Variants in STPG2 observed in about 807,000 individuals in gnomAD.
STPG2 encodes sperm tail PG-rich repeat containing 2.
Under a neutral mutation model 54.2 loss-of-function variants are expected in STPG2, and 56 were observed. The ratio of observed to expected loss-of-function variants is 1.03; its 90% confidence interval spans 0.83 to 1.29. The LOEUF (loss-of-function observed/expected upper bound fraction) is 1.29, where lower values mean the gene tolerates loss of function less well. STPG2 is among the 50% of genes most tolerant of loss of function. The pLI is 0.00. For missense variants in STPG2, 596 were observed against 544.9 expected (o/e 1.09, Z -0.93); for synonymous variants, 200 against 181.8 (o/e 1.10, Z -0.81).
At chr4:97,714,315 A>G (rs1724222983) in intron 9 of STPG2, among the ~76,000 whole-genome samples, 1 of 152,172 alleles carries the variant, frequency 6.6e-6, no homozygotes. Flanking sequence ...AAAATTTAAG[A>G]CAAAGAAGGA....
At chr4:97,524,901 A>C (rs900752899) in intron 4 of STPG2, among the ~76,000 whole-genome samples, 3 of 151,974 alleles carry the variant, frequency 2.0e-5, no homozygotes, top group African/African-American at 7.2e-5. Context: ...CAGTGCCTCA[A>C]ACTGATTGAA....
Position 98,059,485 on chromosome 4 carries a change from G to C in STPG2, c.612+46468C>G, listed in dbSNP as rs376461873. Reference sequence around the variant, plus strand: ...AATTCTACCAAATTTACAAAGAAGAGTTGGTACGATTCCTATAGAAACTAT... The same window carrying C: ...AATTCTACCAAATTTACAAAGAAGACTTGGTACGATTCCTATAGAAACTAT... On this transcript the variant is annotated intron_variant, in intron 5 of 10. Coordinates refer to ENST00000295268, the MANE Select transcript of STPG2 (RefSeq NM_174952.3). 4.6e-5 allele frequency among the ~76,000 whole-genome samples: 7 copies of C among 152,072 alleles called. No individual in the cohort carries two copies. In the East Asian group the frequency reaches 1.4e-3, roughly 29 times the overall value.
chr4:97,928,456 A>T (rs1339452450), intron 8 of STPG2, among the ~76,000 whole-genome samples: 1 of 152,184 alleles, frequency 6.6e-6, no homozygotes, highest in Non-Finnish European at 1.5e-5. Flanking sequence ...AAATCATTTG[A>T]GTACTACTTC....
rs370971593 is a variant in STPG2, at chr4:97,472,149, T to C, written c.462+240550A>G. Reference sequence around the variant, plus strand: ...GAACTGAAGTTACAAGACAAACCATTGCCCAGAAAACTGAAGGGATAAATA... The same window carrying C: ...GAACTGAAGTTACAAGACAAACCATCGCCCAGAAAACTGAAGGGATAAATA... On this transcript the variant is annotated intron_variant, in intron 4 of 4. Transcript: ENST00000522676. Among the ~76,000 whole-genome samples, 8 of 152,280 alleles carry C rather than the reference T, an allele frequency of 5.3e-5. No homozygotes were observed. The East Asian group carries it at 1.2e-3, about 22-fold the overall frequency.
intron 10 of STPG2, among the ~76,000 whole-genome samples, chr4:97,583,315 G>A (rs1445178394): frequency 2.6e-5 from 4 of 151,944 alleles, no homozygotes; most frequent in Non-Finnish European, 4.4e-5. Context: ...AATAGCTACT[G>A]TACACTGTCA....
chr4:97,591,238 A>C (rs1345005475), intron 10 of STPG2, among the ~76,000 whole-genome samples: 1 of 152,194 alleles, frequency 6.6e-6, no homozygotes, highest in Non-Finnish European at 1.5e-5. Context: ...AAATGAATTT[A>C]AATAAAAATT....
intron 10 of STPG2, among the ~76,000 whole-genome samples, chr4:97,616,960 T>C (rs1733889231): frequency 6.6e-6 from 1 of 152,138 alleles, no homozygotes; most frequent in Non-Finnish European, 1.5e-5. Context: ...AATTAATCTA[T>C]CCTATCAAAT....
chr4:97,564,450 T>C (rs1732363846), intron 10 of STPG2, among the ~76,000 whole-genome samples: 1 of 152,186 alleles, frequency 6.6e-6, no homozygotes. Flanking sequence ...GTTAATATTG[T>C]TATGTGTGTA....
intron 9 of STPG2, among the ~76,000 whole-genome samples, chr4:97,713,886 T>C (rs1264760961): frequency 6.6e-6 from 1 of 152,168 alleles, no homozygotes; most frequent in Non-Finnish European, 1.5e-5. Context: ...TGAGTGTCTA[T>C]CACATGCCAA....
At chr4:97,863,520 C>A (rs894120042) in intron 8 of STPG2, among the ~76,000 whole-genome samples, 2 of 152,158 alleles carry the variant, frequency 1.3e-5, no homozygotes, top group South Asian at 2.1e-4. Flanking sequence ...ACCAGAGGTA[C>A]AAGGAGGAGC....
intron 4 of STPG2, among the ~76,000 whole-genome samples, chr4:97,527,825 C>T (rs546993756): frequency 2.3e-4 from 35 of 151,994 alleles, no homozygotes; most frequent in Non-Finnish European, 3.5e-4. Flanking sequence ...TCATATCCTT[C>T]GCCCACTTTT....
At chr4:97,920,636 A>G (rs1053241653) in intron 8 of STPG2, among the ~76,000 whole-genome samples, 14 of 152,210 alleles carry the variant, frequency 9.2e-5, no homozygotes, top group African/African-American at 1.4e-4. Flanking sequence ...ATATCCTTCA[A>G]AAATGAAGGG....
chr4:97,913,573 A>G (rs1731760647), intron 8 of STPG2, among the ~76,000 whole-genome samples: 1 of 152,156 alleles, frequency 6.6e-6, no homozygotes, highest in Non-Finnish European at 1.5e-5. Context: ...TAAATTATCA[A>G]TTAAGATTAC....
intron 4 of STPG2, among the ~76,000 whole-genome samples, chr4:97,482,710 T>G (rs1018637272): frequency 3.3e-5 from 5 of 151,398 alleles, no homozygotes; most frequent in Non-Finnish European, 7.4e-5. Flanking sequence ...ACAAAGGACT[T>G]CTGGGGAATT....
intron 5 of STPG2, among the ~76,000 whole-genome samples, chr4:98,019,148 T>C (rs1736081786): frequency 3.9e-5 from 6 of 152,216 alleles, no homozygotes; most frequent in Admixed American, 2.0e-4. Context: ...TTTTATGGTT[T>C]TAGGTCTAAC....
At chr4:97,865,867 T>C (rs1392288253) in intron 8 of STPG2, among the ~76,000 whole-genome samples, 1 of 151,562 alleles carries the variant, frequency 6.6e-6, no homozygotes, top group East Asian at 1.9e-4. Flanking sequence ...TATATATATT[T>C]AAAAAAGAAA....
intron 4 of STPG2, among the ~76,000 whole-genome samples, chr4:97,462,654 T>A (rs916154861): frequency 2.0e-5 from 3 of 152,102 alleles, no homozygotes; most frequent in Non-Finnish European, 2.9e-5. Flanking sequence ...TTTTTTTATA[T>A]CATTGGCATG....
intron 4 of STPG2, chr4:97,490,119 T>A (rs1249741659): frequency 6.6e-6 from 1 of 151,446 alleles, no homozygotes; most frequent in African/African-American, 2.4e-5. Flanking sequence ...TCTAGAAATA[T>A]AACCTAGTAA....
chr4:97,801,654 C>CT (rs1478535168), intron 9 of STPG2, among the ~76,000 whole-genome samples: 1 of 152,176 alleles, frequency 6.6e-6, no homozygotes, highest in Admixed American at 6.6e-5. Context: ...AAAAATGTCT[C>CT]TTTTTTTCTT....
Sources: gnomAD v4.1 joint callset for allele counts (sites outside exome capture counted in the v4.1 genomes callset) on GRCh38, gnomAD v4.1.1 for gene constraint, MANE v1.5 for transcripts, NCBI Gene and HGNC (gene_info 2026-07-23, HGNC 2026-07-21) for gene names.